The following GLRA2 variants were observed in gnomAD, a reference collection of about 807,000 sequenced individuals.
GLRA2 encodes the protein glycine receptor subunit alpha-2.
In GLRA2, 11 loss-of-function variants were observed where a neutral mutation model predicts 31.6. That is an observed-to-expected ratio of 0.35 (90% CI 0.22 to 0.58). GLRA2 has a LOEUF of 0.58. Among genes scored for constraint, GLRA2 ranks in the 20% least tolerant of loss-of-function variants. The pLI is 0.84. For missense variants in GLRA2, 212 were observed against 351.8 expected, an observed-to-expected ratio of 0.60 and a Z score of 3.18; for synonymous variants, 132 against 134.0, an observed-to-expected ratio of 0.99 and a Z score of 0.10.
intron 7 of GLRA2, among the ~76,000 whole-genome samples, chrX:14,650,178 A>T (rs1010169974): frequency 5.4e-5 from 6 of 111,494 alleles, no homozygotes; most frequent in Non-Finnish European, 7.5e-5. Flanking sequence ...ATAATAAATA[A>T]CAATTTTGAA....
the GLRA2 span, among the ~76,000 whole-genome samples, chrX:14,459,903 A>T: frequency 8.9e-6 from 1 of 112,085 alleles, no homozygotes; most frequent in Non-Finnish European, 1.9e-5. Context: ...AACGTCCAAT[A>T]CTGTGTTGAA....
At chrX:14,713,693 C>T (rs778487705) in intron 8 of GLRA2, among the ~76,000 whole-genome samples, 14 of 111,310 alleles carry the variant, frequency 1.3e-4, no homozygotes, top group Middle Eastern at 4.6e-3. Flanking sequence ...ACAAAGACTT[C>T]AGAGTTTGCA....
At chrX:14,667,063 A>C (rs752742254) in intron 7 of GLRA2, among the ~76,000 whole-genome samples, 2 of 112,387 alleles carry the variant, frequency 1.8e-5, no homozygotes, top group Non-Finnish European at 3.8e-5. Flanking sequence ...TGATTTGTTG[A>C]CTTATTGCTG....
rs72614572 is a variant in GLRA2, at chrX:14,588,105, C to T, written c.494+6699C>T. ...TAGTTTTAGTAGAGACAGGGTTTCT[C>T]CATGTTGGCCAGGCTGGTCTCGAAC... On this transcript the variant is annotated intron_variant, in intron 4 of 8. Coordinates refer to ENST00000218075, the MANE Select transcript of GLRA2 (RefSeq NM_002063.4). Among the ~76,000 whole-genome samples the T allele has an allele frequency of 5.4e-5, 6 of 110,700 alleles. No homozygotes were observed. The East Asian group carries it at 1.4e-3, about 26-fold the overall frequency.
the GLRA2 span, among the ~76,000 whole-genome samples, chrX:14,460,730 C>T: frequency 9.0e-6 from 1 of 111,561 alleles, no homozygotes. Flanking sequence ...TTTATTGTGT[C>T]TATTTGATTC....
the GLRA2 span, among the ~76,000 whole-genome samples, chrX:14,482,942 C>T: frequency 2.1e-3 from 230 of 111,289 alleles, no homozygotes; most frequent in African/African-American, 7.1e-3. Flanking sequence ...ATATATACCA[C>T]TAGAGTCCAA....
chrX:14,493,708 C>CGTGT, the GLRA2 span, among the ~76,000 whole-genome samples: 4 of 85,010 alleles, frequency 4.7e-5, no homozygotes, highest in African/African-American at 1.7e-4. Flanking sequence ...TATGTATACA[C>CGTGT]ATGTATACAT....
chrX:14,684,097 G>T (rs984003615), intron 7 of GLRA2, among the ~76,000 whole-genome samples: 1 of 110,982 alleles, frequency 9.0e-6, no homozygotes, highest in Admixed American at 9.5e-5. Context: ...TCTTGTTTTT[G>T]CCAGGTTTGT....
rs1416476881 is a variant in GLRA2, at chrX:14,570,087, T to C, written c.203-4246T>C. 2.7e-5 allele frequency among the ~76,000 whole-genome samples: 3 copies of C among 111,687 alleles called. No homozygotes were observed. In the East Asian group the frequency reaches 8.5e-4, roughly 32 times the overall value. ...AAAGTAGATTAGAGGTTACCAGAAG[T>C]GGCAGGGAGGGGAAAGGAAAAGTTA... is the stretch of plus-strand genomic sequence containing the variant. On this transcript the variant is annotated intron_variant, in intron 2 of 8. Coordinates refer to ENST00000218075, the MANE Select transcript of GLRA2 (RefSeq NM_002063.4).
At chrX:14,486,960 G>T in the GLRA2 span, among the ~76,000 whole-genome samples, 1 of 110,800 alleles carries the variant, frequency 9.0e-6, no homozygotes, top group Non-Finnish European at 1.9e-5. Flanking sequence ...AGTACCTTTG[G>T]GGGTGGGGTG....
At chrX:14,713,440 C>G (rs1428866646) in intron 8 of GLRA2, among the ~76,000 whole-genome samples, 1 of 112,107 alleles carries the variant, frequency 8.9e-6, no homozygotes, top group Admixed American at 9.5e-5. Context: ...CATTGCTTCT[C>G]TTATGAGGAA....
intron 7 of GLRA2, among the ~76,000 whole-genome samples, chrX:14,610,757 C>T (rs2090387991): frequency 8.9e-6 from 1 of 111,991 alleles, no homozygotes; most frequent in Admixed American, 9.5e-5. Context: ...AGACATTTAG[C>T]CTCCAACTGC....
intron 8 of GLRA2, among the ~76,000 whole-genome samples, chrX:14,694,702 C>T (rs1164601511): frequency 8.9e-6 from 1 of 112,430 alleles, no homozygotes; most frequent in Non-Finnish European, 1.9e-5. Flanking sequence ...TTATTTACTT[C>T]TTACTATGTG....
intron 7 of GLRA2, among the ~76,000 whole-genome samples, chrX:14,614,206 T>G (rs1456429024): frequency 9.0e-6 from 1 of 111,029 alleles, no homozygotes; most frequent in Non-Finnish European, 1.9e-5. Context: ...CTGAGAGTAA[T>G]GGGAAAGATG....
At chrX:14,502,578 T>C in the GLRA2 span, among the ~76,000 whole-genome samples, 1 of 111,597 alleles carries the variant, frequency 9.0e-6, no homozygotes, top group Non-Finnish European at 1.9e-5. Flanking sequence ...CCATTGCTCC[T>C]AGTAGAAACA....
At chrX:14,516,959 G>C in the GLRA2 span, among the ~76,000 whole-genome samples, 1 of 111,900 alleles carries the variant, frequency 8.9e-6, no homozygotes, top group Non-Finnish European at 1.9e-5. Context: ...TTCCAATCAA[G>C]AATCTCTGGA....
intron 7 of GLRA2, among the ~76,000 whole-genome samples, chrX:14,657,017 T>C (rs188457104): frequency 9.0e-6 from 1 of 111,602 alleles, no homozygotes; most frequent in Admixed American, 9.5e-5. Context: ...GCAGGAAAGA[T>C]CTTTCTAAGC....
chrX:14,729,023 C>T (rs1323540327), intron 8 of GLRA2, among the ~76,000 whole-genome samples: 1 of 112,376 alleles, frequency 8.9e-6, no homozygotes, highest in Non-Finnish European at 1.9e-5. Flanking sequence ...TTTAAGTACA[C>T]AAGGTACAAA....
chrX:14,490,905 CTCTGCACATAA>C, the GLRA2 span, among the ~76,000 whole-genome samples: 1 of 111,741 alleles, frequency 8.9e-6, no homozygotes, highest in South Asian at 3.8e-4. Context: ...ACAGCACACA[CTCTGCACATAA>C]GAAGTACCCA....
Sources: allele counts gnomAD v4.1 joint callset (sites outside exome capture counted in the v4.1 genomes callset), GRCh38; gene constraint gnomAD v4.1.1; transcripts MANE v1.5; gene names NCBI Gene and HGNC (gene_info 2026-07-23, HGNC 2026-07-21).